CDC5L: variants seen among roughly 807,000 people sequenced by gnomAD.
CDC5L encodes cell division cycle 5 like.
Under a neutral mutation model 104.1 loss-of-function variants are expected in CDC5L, and 18 were observed. The observed-to-expected ratio is 0.17, with a 90% CI of 0.12 to 0.26. The LOEUF is 0.26. CDC5L is among the 10% of genes least tolerant of loss of function. The pLI, the probability that CDC5L is intolerant of heterozygous loss-of-function variation, is 1.00. For missense variants in CDC5L, 673 were observed against 956.9 expected, an observed-to-expected ratio of 0.70 and a Z score of 3.91; for synonymous variants, 331 against 322.7, an observed-to-expected ratio of 1.03 and a Z score of -0.28.
chr6:44,408,643 A>G lies in CDC5L; in HGVS notation c.1092+11A>G. ...GACAGAATTCTGCAGGTAACGTGTC[A>G]CGTAGTAGAATGAGGCTTTTACTTT... is the stretch of plus-strand genomic sequence containing the variant. On this transcript the variant is annotated intron_variant, in intron 8 of 15. Transcript: ENST00000371477. The G allele has an allele frequency of 6.4e-7, 1 of 1,569,562 alleles. No individual in the cohort carries two copies. The highest frequency in any genetic ancestry group is 1.4e-5 in the African/African-American group (1 of 73,714).
intron 5 of CDC5L, among the ~76,000 whole-genome samples, chr6:44,399,840 A>G (rs1235378540): frequency 6.6e-6 from 1 of 152,068 alleles, no homozygotes; most frequent in Non-Finnish European, 1.5e-5. Flanking sequence ...TTTTTAGTAG[A>G]GACGGTTTCA....
chr6:44,436,509 A>G (rs905287661), intron 14 of CDC5L, among the ~76,000 whole-genome samples: 1 of 152,206 alleles, frequency 6.6e-6, no homozygotes, highest in East Asian at 1.9e-4. Flanking sequence ...GTCTCATTAT[A>G]TTTCACTACA....
In CDC5L at chr6:44,449,073, T is replaced by C. The variant is rs1793555830; in HGVS notation, c.*2362T>C. 6.6e-6 allele frequency: 1 copy of C among 152,250 alleles called. No individual in the cohort carries two copies. Among genetic ancestry groups the C allele is most frequent in the African/African-American group, 2.4e-5 (1 of 41,466 alleles). 9.4% of individuals were successfully genotyped at this position (152,250 alleles called of 1,614,324 possible). ...AAGAAATTTTAAAGGATTTATAGTT[T>C]ATTTGCACTTTTTGTAGACTTGAAT... On this transcript the variant is annotated 3_prime_UTR_variant, in exon 16 of 16. Coordinates refer to ENST00000371477, the MANE Select transcript of CDC5L (RefSeq NM_001253.4).
In CDC5L at chr6:44,392,721, G is replaced by A. The variant is rs545289102; in HGVS notation, c.204G>A (p.Glu68=). 3 of 1,614,094 alleles carry A rather than the reference G, an allele frequency of 1.9e-6. No homozygotes were observed. Among genetic ancestry groups the A allele is most frequent in the South Asian group, 1.1e-5 (1 of 91,082 alleles). Residue 68 remains glutamate (E), a synonymous_variant, in exon 3 of 16, where the codon GAG becomes GAA. Transcript: ENST00000371477. ...AGACAGAATGGTCCAGAGAAGAAGA[G>A]GAAAAACTCTTGCACTTGGCCAAGT... ...IKKTEWSREE[E]EKLLHLAKLM... is the part of the protein sequence containing the mutation.
intron 1 of CDC5L, among the ~76,000 whole-genome samples, chr6:44,389,178 A>G (rs1790486399): frequency 6.6e-6 from 1 of 152,178 alleles, no homozygotes; most frequent in African/African-American, 2.4e-5. Flanking sequence ...TATTTAATTG[A>G]AAATGTGTTT....
At chr6:44,438,342 T>C (rs373502200) in intron 14 of CDC5L, among the ~76,000 whole-genome samples, 3 of 152,330 alleles carry the variant, frequency 2.0e-5, no homozygotes, top group South Asian at 2.1e-4. Flanking sequence ...TTGGTAGATA[T>C]AGTTGAGAAA....
intron 9 of CDC5L, among the ~76,000 whole-genome samples, chr6:44,420,649 C>T (rs140078924): frequency 1.2e-4 from 18 of 152,180 alleles, no homozygotes; most frequent in African/African-American, 3.9e-4. Context: ...TGAGCCACTG[C>T]GCCTGGCCAA....
At chr6:44,432,293 GAA>G (rs1243990464) in intron 14 of CDC5L, among the ~76,000 whole-genome samples, 1 of 152,084 alleles carries the variant, frequency 6.6e-6, no homozygotes, top group Non-Finnish European at 1.5e-5. Flanking sequence ...TGTGGGGAAG[GAA>G]CTCCAGTTAT....
At chr6:44,425,046 C>T (rs1792358430) in intron 11 of CDC5L, among the ~76,000 whole-genome samples, 1 of 152,074 alleles carries the variant, frequency 6.6e-6, no homozygotes, top group Non-Finnish European at 1.5e-5. Flanking sequence ...AGACCTCTAT[C>T]TAAACTGGAG....
rs753724665 is a variant in CDC5L at position 44,445,642 on chromosome 6, C to T, written c.2092-13C>T. On this transcript the variant is annotated splice_polypyrimidine_tract_variant and intron_variant, in intron 14 of 15. Coordinates refer to ENST00000371477, the MANE Select transcript of CDC5L (RefSeq NM_001253.4). ...TCTCATGTATGCTGATGTGATCTTC[C>T]CCTGCTCTCCAGATAAACAGGGGTC... 6.3e-7 allele frequency: 1 copy of T among 1,596,784 alleles called. No individual in the cohort carries two copies. The highest frequency in any genetic ancestry group is 1.7e-5 in the Admixed American group (1 of 59,576).
intron 13 of CDC5L, among the ~76,000 whole-genome samples, chr6:44,427,358 C>T (rs1184267967): frequency 6.6e-6 from 1 of 152,124 alleles, no homozygotes; most frequent in Non-Finnish European, 1.5e-5. Context: ...TGGGTCTCAT[C>T]GTTGGAAGCA....
chr6:44,403,252 CTT>C (rs11571941), intron 5 of CDC5L, among the ~76,000 whole-genome samples: 44 of 151,328 alleles, frequency 2.9e-4, no homozygotes, highest in African/African-American at 1.1e-3. Flanking sequence ...TTAAATAAAA[CTT>C]TTGTCATTTT....
chr6:44,403,861 A>G lies in CDC5L; in HGVS notation c.592A>G (p.Ile198Val), dbSNP rs748230177. The part of the protein sequence containing the change: ...RRELRAAGIE[I>V]QKKRKRKRGV... The stretch of plus-strand genomic sequence containing the variant: ...AGAACTTCGAGCAGCTGGCATAGAA[A>G]TTCAGAAGAAAAGAAAAAGGAAGAG... The change falls in exon 6 of 16, where the codon ATT (isoleucine) becomes GTT (valine). Residue 198 changes from isoleucine to valine, a missense_variant. This residue lies in a region of CDC5L where 578 missense variants were observed against 737.0 expected (regional missense o/e 0.78). Transcript: ENST00000371477. 1 of 1,613,292 alleles carries G rather than the reference A, an allele frequency of 6.2e-7. No individual in the cohort carries two copies. The highest frequency in any genetic ancestry group is 8.5e-7 in the Non-Finnish European group (1 of 1,179,834).
At chr6:44,432,240 A>T (rs1792721489) in intron 14 of CDC5L, among the ~76,000 whole-genome samples, 1 of 152,086 alleles carries the variant, frequency 6.6e-6, no homozygotes, top group African/African-American at 2.4e-5. Context: ...TAATTCTTTC[A>T]TTTCAGTTGA....
At position 44,390,127 on chromosome 6, in the gene CDC5L, C is replaced by T. The variant is rs370476252; in HGVS notation, c.46-141C>T. The T allele has an allele frequency of 9.0e-4, 528 of 588,318 alleles. 5 individuals carry two copies. The South Asian group carries it at 0.011, about 12-fold the overall frequency. The allele number at this position is 588,318 out of a possible 1,614,324, so 36.4% of individuals were successfully genotyped here. A position where few individuals can be genotyped will look rare whatever the true frequency, so the allele number is the denominator to read the frequency against. The stretch of plus-strand genomic sequence containing the variant: ...TTATTATAGTTAATGAGGTTTTCAT[C>T]CTTAGTCTTTTAACCTAGGTGGTGT... On this transcript the variant is annotated intron_variant, in intron 1 of 15. Coordinates refer to ENST00000371477, the MANE Select transcript of CDC5L (RefSeq NM_001253.4).
chr6:44,418,314 A>G (rs868293997), intron 8 of CDC5L, among the ~76,000 whole-genome samples: 3 of 152,318 alleles, frequency 2.0e-5, no homozygotes, highest in South Asian at 4.1e-4. Context: ...TGTCCCTACA[A>G]AGGACATGAA....
chr6:44,414,032 C>T (rs1791786294), intron 8 of CDC5L, among the ~76,000 whole-genome samples: 1 of 152,106 alleles, frequency 6.6e-6, no homozygotes, highest in Non-Finnish European at 1.5e-5. Context: ...ATTTGCATTT[C>T]CCTAATAGCT....
Position 44,387,726 on chromosome 6 carries a change from CT to C in CDC5L, c.-96del, listed in dbSNP as rs1251031855. On this transcript the variant is annotated 5_prime_UTR_variant, in exon 1 of 16. Coordinates refer to ENST00000371477, the MANE Select transcript of CDC5L (RefSeq NM_001253.4). ...CAGATCTTCAAAGCAGAAGGTCGCGCTTGGAGGAAGTGGCGGCTTTGAGTCC... is the reference window on the plus strand; with the variant it reads ...CAGATCTTCAAAGCAGAAGGTCGCGCTGGAGGAAGTGGCGGCTTTGAGTCC... The C allele has an allele frequency of 9.2e-6, 10 of 1,090,112 alleles. No individual in the cohort carries two copies. Among genetic ancestry groups the C allele is most frequent in the Non-Finnish European group, 1.4e-5 (10 of 730,652 alleles). The allele number at this position is 1,090,112 out of a possible 1,614,324, so 67.5% of individuals were successfully genotyped here. A position where few individuals can be genotyped will look rare whatever the true frequency, so the allele number is the denominator to read the frequency against.
intron 14 of CDC5L, among the ~76,000 whole-genome samples, chr6:44,444,433 C>T: frequency 6.6e-6 from 1 of 152,058 alleles, no homozygotes; most frequent in East Asian, 1.9e-4. Context: ...TGGACAAACT[C>T]CTTTTAGGAA....
Sources: gnomAD v4.1 joint callset for allele counts (sites outside exome capture counted in the v4.1 genomes callset) on GRCh38, gnomAD v4.1.1 for gene constraint, gnomAD v4.1.1 regional missense constraint, MANE v1.5 for transcripts, NCBI Gene and HGNC (gene_info 2026-07-23, HGNC 2026-07-21) for gene names.